The following ATP8A2 variants were observed in gnomAD, a reference collection of about 807,000 sequenced individuals.
ATP8A2 encodes phospholipid-transporting ATPase IB.
Under a neutral mutation model 165.6 loss-of-function variants are expected in ATP8A2, and 100 were observed. The ratio of observed to expected loss-of-function variants is 0.60; its 90% CI spans 0.51 to 0.71. The LOEUF (loss-of-function observed/expected upper bound fraction) is 0.71, where lower values mean the gene tolerates loss of function less well. ATP8A2 is among the 30% of genes least tolerant of loss of function. ATP8A2 has a pLI of 0.00. For missense variants in ATP8A2, 1,227 were observed against 1,479.5 expected (o/e 0.83, Z 2.80); for synonymous variants, 543 against 548.8 (o/e 0.99, Z 0.15).
intron 1 of ATP8A2, among the ~76,000 whole-genome samples, chr13:25,427,957 G>C (rs992352618): frequency 6.6e-6 from 1 of 152,110 alleles, no homozygotes; most frequent in African/African-American, 2.4e-5. Flanking sequence ...CAGCACTTGA[G>C]GGGCGGAGGA....
chr13:25,770,765 C>T (rs1003945199), intron 26 of ATP8A2, among the ~76,000 whole-genome samples: 2 of 152,182 alleles, frequency 1.3e-5, no homozygotes, highest in Non-Finnish European at 2.9e-5. Context: ...TGCGATACAT[C>T]ATGAATAGAT....
At chr13:25,451,699 C>T (rs959050683) in intron 1 of ATP8A2, among the ~76,000 whole-genome samples, 8 of 152,066 alleles carry the variant, frequency 5.3e-5, no homozygotes, top group Non-Finnish European at 1.0e-4. Flanking sequence ...GCTTGGATGT[C>T]ACCTAACATG....
rs1419805886 is a variant in ATP8A2, at chr13:25,578,900, G to C, written c.1867+1G>C. 1.9e-6 allele frequency: 3 copies of C among 1,602,976 alleles called. No individual in the cohort carries two copies. Among genetic ancestry groups the C allele is most frequent in the Non-Finnish European group, 2.6e-6 (3 of 1,170,094 alleles). On this transcript the variant is annotated splice_donor_variant, in intron 21 of 36. Coordinates refer to ENST00000381655, the MANE Select transcript of ATP8A2 (RefSeq NM_016529.6). LOFTEE classifies it high-confidence loss of function. ...CATCTGGAATACTTTGCCACGGAAG[G>C]TAAGTGGAATTTGGAAATGCTGTTT...
At chr13:25,437,088 C>T (rs974569085) in intron 1 of ATP8A2, among the ~76,000 whole-genome samples, 8 of 151,956 alleles carry the variant, frequency 5.3e-5, no homozygotes, top group African/African-American at 1.9e-4. Flanking sequence ...TTTTTTGACT[C>T]TTTAGTAATA....
chr13:25,407,913 C>T (rs1179790860), intron 1 of ATP8A2, among the ~76,000 whole-genome samples: 1 of 152,024 alleles, frequency 6.6e-6, no homozygotes, highest in Non-Finnish European at 1.5e-5. Flanking sequence ...TGAACTCCCA[C>T]CTACGGGAGG....
intron 10 of ATP8A2, among the ~76,000 whole-genome samples, chr13:25,544,310 C>T (rs1415414804): frequency 1.3e-5 from 2 of 152,194 alleles, no homozygotes; most frequent in Admixed American, 1.3e-4. Context: ...AGGCTGGAAG[C>T]CAGTGGACTA....
At chr13:25,697,204 T>C (rs542555506) in intron 24 of ATP8A2, among the ~76,000 whole-genome samples, 1 of 152,356 alleles carries the variant, frequency 6.6e-6, no homozygotes, top group African/African-American at 2.4e-5. Context: ...GCATTGCTAA[T>C]GATGGCATGT....
chr13:25,725,452 C>T (rs1442192370), intron 25 of ATP8A2, among the ~76,000 whole-genome samples: 3 of 152,140 alleles, frequency 2.0e-5, no homozygotes, highest in Admixed American at 1.3e-4. Flanking sequence ...TGACTCTGAA[C>T]CTCTGAGATG....
intron 28 of ATP8A2, among the ~76,000 whole-genome samples, chr13:25,833,155 T>C (rs1445974266): frequency 6.6e-6 from 1 of 151,942 alleles, no homozygotes; most frequent in Non-Finnish European, 1.5e-5. Flanking sequence ...AATTATACAT[T>C]GCATAGGAAA....
intron 10 of ATP8A2, 97 bp from the exon 11 acceptor site, chr13:25,551,241 G>T: frequency 8.4e-7 from 1 of 1,187,212 alleles, no homozygotes; most frequent in South Asian, 1.6e-5. Context: ...TCTTTTACTT[G>T]TTGGTTGTTA....
intron 24 of ATP8A2, among the ~76,000 whole-genome samples, chr13:25,640,928 TG>T (rs1053025919): frequency 2.6e-5 from 4 of 152,182 alleles, no homozygotes; most frequent in Non-Finnish European, 4.4e-5. Context: ...GCTTCATCCC[TG>T]GGATGCAAGG....
chr13:25,988,107 G>A (rs564353769), intron 35 of ATP8A2, among the ~76,000 whole-genome samples: 7 of 152,316 alleles, frequency 4.6e-5, no homozygotes, highest in South Asian at 2.1e-4. Context: ...GCTACAAAGC[G>A]GCTCAGCCAG....
At chr13:25,787,624 T>C (rs1290007193) in intron 27 of ATP8A2, among the ~76,000 whole-genome samples, 1 of 152,242 alleles carries the variant, frequency 6.6e-6, no homozygotes, top group Admixed American at 6.5e-5. Flanking sequence ...CATGGACTTA[T>C]TTGCCTCTCC....
At chr13:25,566,998 C>A (rs893903674) in intron 16 of ATP8A2, 1 of 189,118 alleles carries the variant, frequency 5.3e-6, no homozygotes, top group Non-Finnish European at 1.1e-5. Flanking sequence ...GACATGTGAG[C>A]AGTGTATTTG....
At chr13:25,835,781 C>T (rs1951588424) in intron 28 of ATP8A2, among the ~76,000 whole-genome samples, 1 of 152,206 alleles carries the variant, frequency 6.6e-6, no homozygotes, top group African/African-American at 2.4e-5. Flanking sequence ...AACTCATTGT[C>T]ACTGGAGATT....
At chr13:25,416,025 A>T (rs2034122774) in intron 1 of ATP8A2, among the ~76,000 whole-genome samples, 1 of 152,124 alleles carries the variant, frequency 6.6e-6, no homozygotes. Context: ...ATGAGGTCTT[A>T]CTATGTTGCC....
chr13:25,982,446 C>T (rs1017412240), intron 35 of ATP8A2, among the ~76,000 whole-genome samples: 7 of 152,254 alleles, frequency 4.6e-5, no homozygotes, highest in East Asian at 1.9e-4. Context: ...GCCATGTTGC[C>T]GGACAAATTG....
chr13:25,609,568 A>AATATATATATATATATTTGGATTCAAAT (rs145694634), intron 24 of ATP8A2, among the ~76,000 whole-genome samples: 111 of 35,378 alleles, frequency 3.1e-3, no homozygotes, highest in Non-Finnish European at 4.4e-3. Context: ...TTTGGATTCA[A>AATATATATATATATATTTGGATTCAAAT]ATATATATAT....
chr13:25,658,761 C>G (rs1458095764), intron 24 of ATP8A2, among the ~76,000 whole-genome samples: 1 of 152,164 alleles, frequency 6.6e-6, no homozygotes, highest in Non-Finnish European at 1.5e-5. Flanking sequence ...CAGAGCAAAA[C>G]CATACTTCTC....
Sources: allele counts gnomAD v4.1 joint callset (sites outside exome capture counted in the v4.1 genomes callset), GRCh38; gene constraint gnomAD v4.1.1; transcripts MANE v1.5; gene names NCBI Gene and HGNC (gene_info 2026-07-23, HGNC 2026-07-21).